The following GRIP1 variants were observed in gnomAD, a reference collection of about 807,000 sequenced individuals.
GRIP1 encodes glutamate receptor-interacting protein 1.
In GRIP1, 45 loss-of-function variants were observed where a neutral mutation model predicts 129.9. That is an observed-to-expected ratio of 0.35 (90% confidence interval 0.27 to 0.44). The LOEUF (loss-of-function observed/expected upper bound fraction) is 0.44, where lower values mean the gene tolerates loss of function less well. Ranked by LOEUF, GRIP1 falls within the 20% of genes least tolerant of loss-of-function variation. The pLI is 1.00. For missense variants in GRIP1, 1,196 were observed against 1,396.8 expected (o/e 0.86, Z 2.29); for synonymous variants, 530 against 520.8 (o/e 1.02, Z -0.24).
intron 1 of GRIP1, among the ~76,000 whole-genome samples, chr12:66,658,837 T>C (rs1375894977): frequency 1.3e-5 from 2 of 151,878 alleles, no homozygotes; most frequent in Non-Finnish European, 2.9e-5. Context: ...GGGGGGAAGA[T>C]TGCTTCAGCC....
At chr12:66,859,141 A>G (rs1046982934) in intron 1 of GRIP1, among the ~76,000 whole-genome samples, 2 of 151,874 alleles carry the variant, frequency 1.3e-5, no homozygotes, top group African/African-American at 2.4e-5. Flanking sequence ...TTCACCATTG[A>G]TATCAGCCAA....
chr12:66,779,329 A>G (rs966783614), intron 1 of GRIP1, among the ~76,000 whole-genome samples: 1 of 151,980 alleles, frequency 6.6e-6, no homozygotes, highest in African/African-American at 2.4e-5. Context: ...TTAGTGGCTG[A>G]ATTTATTTTA....
intron 1 of GRIP1, among the ~76,000 whole-genome samples, chr12:66,657,243 A>T (rs1218243869): frequency 6.6e-6 from 1 of 152,018 alleles, no homozygotes; most frequent in East Asian, 1.9e-4. Flanking sequence ...GAAGATGATG[A>T]TGAGAAGTAG....
At chr12:66,636,956 A>G (rs1035437453) in intron 1 of GRIP1, among the ~76,000 whole-genome samples, 2 of 152,176 alleles carry the variant, frequency 1.3e-5, no homozygotes, top group African/African-American at 4.8e-5. Flanking sequence ...GCCTGAGCAA[A>G]CTAAGTAACA....
intron 1 of GRIP1, among the ~76,000 whole-genome samples, chr12:66,718,029 C>T (rs570969797): frequency 3.3e-5 from 5 of 152,228 alleles, no homozygotes; most frequent in African/African-American, 1.2e-4. Context: ...AACACAGTTT[C>T]CATGGAGATC....
Position 66,348,052 on chromosome 12 carries a change from A to AAAT in GRIP1, c.*964_*966dup, listed in dbSNP as rs1283017149. ...TAATAATTGGCAATGCATTTGTGAA[A>AAAT]AATGTATTTACAATTTCGGTAAGTG... On this transcript the variant is annotated 3_prime_UTR_variant, in exon 25 of 25. Transcript: ENST00000359742. The AAAT allele has an allele frequency of 2.6e-5, 4 of 152,220 alleles. No individual in the cohort carries two copies. The highest frequency in any genetic ancestry group is 4.4e-5 in the Non-Finnish European group (3 of 68,044). The allele number at this position is 152,220 out of a possible 1,614,324, so 9.4% of individuals were successfully genotyped here.
At chr12:66,742,897 A>C (rs1253309841) in intron 1 of GRIP1, among the ~76,000 whole-genome samples, 1 of 152,290 alleles carries the variant, frequency 6.6e-6, no homozygotes, top group African/African-American at 2.4e-5. Flanking sequence ...AAAAATAGTC[A>C]ATGTAAGAAT....
At chr12:66,868,142 G>A (rs2040236560) in intron 1 of GRIP1, among the ~76,000 whole-genome samples, 2 of 151,938 alleles carry the variant, frequency 1.3e-5, no homozygotes, top group Admixed American at 1.3e-4. Flanking sequence ...AAAAGAAGCT[G>A]GTAAAATACA....
rs367975296 is a variant in GRIP1, at chr12:66,915,092, C to T, written c.58+153958G>A. Among the ~76,000 whole-genome samples the T allele has an allele frequency of 7.9e-5, 12 of 152,326 alleles. 1 individual carries two copies. Among genetic ancestry groups the T allele is most frequent in the African/African-American group, 2.9e-4 (12 of 41,584 alleles). On this transcript the variant is annotated intron_variant, in intron 1 of 1. Coordinates refer to the GRIP1 transcript ENST00000643019. Reference sequence around the variant, plus strand: ...TGAGGGAATTCATTTCCTAAAATCTCAGTCTTCTGCAGACAAATAAAGTCC... The same window carrying T: ...TGAGGGAATTCATTTCCTAAAATCTTAGTCTTCTGCAGACAAATAAAGTCC...
intron 1 of GRIP1, among the ~76,000 whole-genome samples, chr12:66,945,893 C>T (rs1039750079): frequency 6.6e-6 from 1 of 152,138 alleles, no homozygotes; most frequent in Non-Finnish European, 1.5e-5. Flanking sequence ...GGTGCTGTGG[C>T]CTCTATTTCC....
rs147476605 is a variant in GRIP1 at position 66,625,848 on chromosome 12, C to T, written c.56-28921G>A. On this transcript the variant is annotated intron_variant, in intron 1 of 24. Coordinates refer to ENST00000359742, the MANE Select transcript of GRIP1 (RefSeq NM_001366722.1). ...ACATTTGCAAGTGTCTCCCATGTAG[C>T]ATTTAATAAAATATTTATTTTATAC... is the stretch of plus-strand genomic sequence containing the variant. Among the ~76,000 whole-genome samples the T allele has an allele frequency of 8.3e-3, 1,262 of 152,168 alleles. 13 individuals are homozygous for T. The highest frequency in any genetic ancestry group is 9.7e-3 in the Non-Finnish European group (661 of 68,000).
chr12:66,510,154 C>G (rs1183106414), intron 7 of GRIP1, among the ~76,000 whole-genome samples: 2 of 152,084 alleles, frequency 1.3e-5, no homozygotes, highest in South Asian at 2.1e-4. Flanking sequence ...ATGCATTAAC[C>G]CTTCTGCTCC....
chr12:66,699,082 CAT>C (rs1555227545), intron 1 of GRIP1, among the ~76,000 whole-genome samples: 1 of 152,130 alleles, frequency 6.6e-6, no homozygotes, highest in Admixed American at 6.6e-5. Flanking sequence ...TAGGTTACCA[CAT>C]GTGTCCCACA....
chr12:67,031,108 T>C (rs1252296), intron 1 of GRIP1, among the ~76,000 whole-genome samples: 5 of 152,144 alleles, frequency 3.3e-5, no homozygotes, highest in Non-Finnish European at 7.3e-5. Flanking sequence ...GTGCTTAGTC[T>C]CCCAACAGAG....
chr12:66,378,180 G>T (rs766185833), intron 20 of GRIP1, among the ~76,000 whole-genome samples: 8 of 151,408 alleles, frequency 5.3e-5, no homozygotes, highest in Admixed American at 2.0e-4. Flanking sequence ...AGTGGCTCAC[G>T]CCTGTAATCC....
chr12:66,478,344 G>C (rs1485395143), intron 7 of GRIP1, among the ~76,000 whole-genome samples: 1 of 152,172 alleles, frequency 6.6e-6, no homozygotes, highest in Non-Finnish European at 1.5e-5. Context: ...TCTCACACAA[G>C]TTAGAATGGC....
intron 2 of GRIP1, among the ~76,000 whole-genome samples, chr12:66,576,409 T>G (rs993622196): frequency 6.6e-6 from 1 of 152,234 alleles, no homozygotes; most frequent in African/African-American, 2.4e-5. Context: ...CTTATCAAAT[T>G]TGAAGCTAAT....
At chr12:66,792,358 C>T (rs1043896130) in intron 1 of GRIP1, among the ~76,000 whole-genome samples, 3 of 152,072 alleles carry the variant, frequency 2.0e-5, no homozygotes, top group Non-Finnish European at 2.9e-5. Context: ...GTCCACACCC[C>T]CTTCTCCCAA....
chr12:66,763,398 C>A (rs1233164268), intron 1 of GRIP1, among the ~76,000 whole-genome samples: 1 of 152,172 alleles, frequency 6.6e-6, no homozygotes, highest in Admixed American at 6.5e-5. Context: ...TCTTAAGAAA[C>A]AAGCTCCACC....
Sources: allele counts gnomAD v4.1 joint callset (sites outside exome capture counted in the v4.1 genomes callset), GRCh38; gene constraint gnomAD v4.1.1; transcripts MANE v1.5; gene names NCBI Gene and HGNC (gene_info 2026-07-23, HGNC 2026-07-21).